The following PIK3C2G variants were observed in gnomAD, a reference collection of about 807,000 sequenced individuals.
PIK3C2G encodes the protein phosphatidylinositol-4-phosphate 3-kinase catalytic subunit type 2 gamma.
Under a neutral mutation model 181.1 loss-of-function variants are expected in PIK3C2G, and 168 were observed. The ratio of observed to expected loss-of-function variants is 0.93; its 90% confidence interval spans 0.82 to 1.05. The LOEUF is 1.05. Ranked by LOEUF, PIK3C2G falls within the 50% of genes least tolerant of loss-of-function variation. The pLI, the probability that PIK3C2G is intolerant of heterozygous loss-of-function variation, is 0.00. For missense variants in PIK3C2G, 1,869 were observed against 1,732.8 expected (o/e 1.08, Z -1.40); for synonymous variants, 573 against 592.2 (o/e 0.97, Z 0.47).
intron 10 of PIK3C2G, 31 bp from the exon 11 acceptor site, chr12:18,346,610 A>G: frequency 7.3e-7 from 1 of 1,370,712 alleles, no homozygotes; most frequent in South Asian, 1.3e-5. Flanking sequence ...GGCCCTTCTT[A>G]GTGACTTGAT....
At chr12:18,271,840 T>C (rs955976926) in intron 1 of PIK3C2G, among the ~76,000 whole-genome samples, 2 of 152,308 alleles carry the variant, frequency 1.3e-5, no homozygotes, top group Middle Eastern at 3.4e-3. Context: ...TTTGTACAAG[T>C]CCTTCAGTTT....
At chr12:18,245,772 A>T (rs1289442008), upstream of PIK3C2G, among the ~76,000 whole-genome samples, 1 of 152,108 alleles carries the variant, frequency 6.6e-6, no homozygotes, top group Non-Finnish European at 1.5e-5. Context: ...CACTGTTACA[A>T]ATCACTCTCA....
chr12:18,285,778 G>A (rs1036924134), intron 2 of PIK3C2G, among the ~76,000 whole-genome samples: 2 of 151,362 alleles, frequency 1.3e-5, no homozygotes, highest in Admixed American at 6.6e-5. Flanking sequence ...AGAAACAGAA[G>A]AACAGAATAA....
intron 28 of PIK3C2G, among the ~76,000 whole-genome samples, chr12:18,565,116 C>A (rs145732718): frequency 2.6e-5 from 4 of 152,208 alleles, no homozygotes; most frequent in Non-Finnish European, 5.9e-5. Context: ...TGCTGACACT[C>A]ACAAAGGGGC....
In PIK3C2G at chr12:18,359,487, A is replaced by G. The variant is rs150495189; in HGVS notation, c.1626-3277A>G. Among the ~76,000 whole-genome samples, 357 of 152,120 alleles carry G rather than the reference A, an allele frequency of 2.3e-3. 3 individuals are homozygous for G. The highest frequency in any genetic ancestry group is 8.2e-3 in the African/African-American group (340 of 41,486). On this transcript the variant is annotated intron_variant, in intron 11 of 32. Coordinates refer to ENST00000538779, the MANE Select transcript of PIK3C2G (RefSeq NM_001288772.2). ...CGTTGTTCTAATCCTCTGTTTACTT[A>G]CCTTCTGTCTGGTTGTTCTACTTAT...
intron 24 of PIK3C2G, among the ~76,000 whole-genome samples, chr12:18,527,383 G>C (rs1057227642): frequency 1.3e-5 from 2 of 152,158 alleles, no homozygotes; most frequent in Admixed American, 1.3e-4. Context: ...TTTATTAAGA[G>C]ATAATATGCA....
chr12:18,631,669 G>A (rs1949357222), intron 31 of PIK3C2G, among the ~76,000 whole-genome samples: 1 of 152,186 alleles, frequency 6.6e-6, no homozygotes, highest in South Asian at 2.1e-4. Flanking sequence ...ATAAAGATAT[G>A]TGGTGGCAGA....
At chr12:18,348,331 T>C (rs566776052) in intron 11 of PIK3C2G, among the ~76,000 whole-genome samples, 45 of 147,716 alleles carry the variant, frequency 3.0e-4, no homozygotes, top group Admixed American at 6.1e-4. Flanking sequence ...CATTTACGCG[T>C]GTGTGTGTGT....
intron 25 of PIK3C2G, among the ~76,000 whole-genome samples, chr12:18,543,635 G>A (rs1007627066): frequency 6.6e-6 from 1 of 151,842 alleles, no homozygotes; most frequent in Non-Finnish European, 1.5e-5. Flanking sequence ...AACAGCATTT[G>A]TTGAATAGGG....
In PIK3C2G at chr12:18,272,955, C is replaced by T. The variant is rs75873609; in HGVS notation, c.-78-9049C>T. 9.7e-3 allele frequency among the ~76,000 whole-genome samples: 1,469 copies of T among 151,892 alleles called. 31 individuals carry two copies. The highest frequency in any genetic ancestry group is 0.033 in the African/African-American group (1,361 of 41,418). On this transcript the variant is annotated intron_variant, in intron 1 of 32. Coordinates refer to ENST00000538779, the MANE Select transcript of PIK3C2G (RefSeq NM_001288772.2). ...TACTGAAATGAACATTACTTCTAGGCCTTCCAAGGAATGAAGTTATAAGAA... is the reference window on the plus strand; with the variant it reads ...TACTGAAATGAACATTACTTCTAGGTCTTCCAAGGAATGAAGTTATAAGAA...
At chr12:18,654,376 A>C in the PIK3C2G span, among the ~76,000 whole-genome samples, 1 of 151,966 alleles carries the variant, frequency 6.6e-6, no homozygotes. Flanking sequence ...AAAGACTAAG[A>C]ATCACACTTG....
At chr12:18,562,651 G>T in intron 26 of PIK3C2G, 52 bp from the exon 27 acceptor site, 1 of 1,055,856 alleles carries the variant, frequency 9.5e-7, no homozygotes, top group East Asian at 2.6e-5. Context: ...TAAATGAAAT[G>T]AGTAGATGCA....
intron 5 of PIK3C2G, among the ~76,000 whole-genome samples, chr12:18,294,738 A>G (rs1301642219): frequency 6.6e-6 from 1 of 152,048 alleles, no homozygotes; most frequent in East Asian, 1.9e-4. Context: ...TAGTTATTCT[A>G]AACAGTAAAG....
intron 29 of PIK3C2G, among the ~76,000 whole-genome samples, chr12:18,587,470 A>G (rs1946846152): frequency 6.6e-6 from 1 of 152,148 alleles, no homozygotes; most frequent in South Asian, 2.1e-4. Context: ...CATAAAAAGA[A>G]TAAAATACCT....
intron 14 of PIK3C2G, among the ~76,000 whole-genome samples, chr12:18,383,987 A>ATTT (rs71440366): frequency 4.4e-5 from 6 of 136,996 alleles, no homozygotes; most frequent in African/African-American, 8.7e-5. Context: ...TATTATTATT[A>ATTT]TTTTTTTTTT....
At chr12:18,362,959 C>G (rs968471721) in intron 12 of PIK3C2G, 73 bp downstream of exon 12, 41 of 1,209,410 alleles carry the variant, frequency 3.4e-5, no homozygotes, top group Non-Finnish European at 4.4e-5. Context: ...TTTTTAAAAG[C>G]AAGGGATGTA....
chr12:18,619,726 C>G (rs1030980732), intron 31 of PIK3C2G, among the ~76,000 whole-genome samples: 1 of 141,300 alleles, frequency 7.1e-6, no homozygotes, highest in South Asian at 2.3e-4. Flanking sequence ...AAAGAACATA[C>G]TTCGTATGAT....
downstream of PIK3C2G, among the ~76,000 whole-genome samples, chr12:18,652,468 A>G (rs927088167): frequency 6.6e-6 from 1 of 152,130 alleles, no homozygotes; most frequent in African/African-American, 2.4e-5. Context: ...GGAACCAACC[A>G]TTGATCTTGG....
At chr12:18,322,987 C>A (rs1951177189) in intron 7 of PIK3C2G, among the ~76,000 whole-genome samples, 1 of 152,048 alleles carries the variant, frequency 6.6e-6, no homozygotes, top group Admixed American at 6.6e-5. Flanking sequence ...TTTCAAAAAG[C>A]AGGATATCCT....
Sources: allele counts gnomAD v4.1 joint callset (sites outside exome capture counted in the v4.1 genomes callset), GRCh38; gene constraint gnomAD v4.1.1; transcripts MANE v1.5; gene names NCBI Gene and HGNC (gene_info 2026-07-23, HGNC 2026-07-21).